Variants in RNGTT observed in about 807,000 individuals in gnomAD.
The protein encoded by RNGTT is mRNA-capping enzyme.
A neutral mutation model predicts 79.3 loss-of-function variants in RNGTT; 33 were observed. The observed-to-expected ratio is 0.42, with a 90% CI of 0.32 to 0.56. RNGTT has a LOEUF of 0.56. Among genes scored for constraint, RNGTT ranks in the 20% least tolerant of loss-of-function variants. The pLI, the probability that RNGTT is intolerant of heterozygous loss-of-function variation, is 0.17. For synonymous variants in RNGTT, 222 were observed against 235.9 expected (o/e 0.94, Z 0.54); for missense variants, 497 against 739.1 (o/e 0.67, Z 3.80).
At chr6:88,617,410 T>C (rs1772271546) in intron 14 of RNGTT, among the ~76,000 whole-genome samples, 1 of 152,264 alleles carries the variant, frequency 6.6e-6, no homozygotes, top group Non-Finnish European at 1.5e-5. Flanking sequence ...TGGATATTGC[T>C]TTCCCAACAC....
chr6:88,667,179 T>C lies in RNGTT; in HGVS notation c.1506+11174A>G, dbSNP rs1215105736. 2.6e-5 allele frequency among the ~76,000 whole-genome samples: 4 copies of C among 152,224 alleles called. No individual in the cohort carries two copies. The East Asian group carries it at 5.8e-4, about 22-fold the overall frequency. ...CCTCTGCTCTCTCAGGCACCGCATC[T>C]AGTGCCTACTTATTCTAAAGAGGAA... On this transcript the variant is annotated intron_variant, in intron 14 of 15. Transcript: ENST00000369485.
chr6:88,861,094 T>A (rs1247272276), intron 8 of RNGTT, among the ~76,000 whole-genome samples: 1 of 152,196 alleles, frequency 6.6e-6, no homozygotes, highest in East Asian at 1.9e-4. Context: ...TTTTCTCTCA[T>A]AAGAATTCAC....
At chr6:88,953,192 G>C (rs1785313085) in intron 1 of RNGTT, among the ~76,000 whole-genome samples, 1 of 152,034 alleles carries the variant, frequency 6.6e-6, no homozygotes, top group Admixed American at 6.6e-5. Flanking sequence ...ACCAGAACAA[G>C]GTGAAAATCA....
intron 13 of RNGTT, among the ~76,000 whole-genome samples, chr6:88,727,496 TA>T (rs1776957345): frequency 6.6e-6 from 1 of 152,318 alleles, no homozygotes; most frequent in Admixed American, 6.5e-5. Flanking sequence ...ACCTGCTCTT[TA>T]ACAAAAATTA....
chr6:88,909,163 G>A (rs1231182148), intron 4 of RNGTT, among the ~76,000 whole-genome samples: 4 of 152,210 alleles, frequency 2.6e-5, no homozygotes, highest in African/African-American at 9.6e-5. Context: ...TTCTTCCCCA[G>A]GAAGCTCCGT....
At chr6:88,718,215 C>T (rs1482714688) in intron 13 of RNGTT, among the ~76,000 whole-genome samples, 1 of 151,890 alleles carries the variant, frequency 6.6e-6, no homozygotes, top group African/African-American at 2.4e-5. Flanking sequence ...GGGGAAACCT[C>T]ATCTCTACTA....
At chr6:88,681,659 A>G (rs1039632196) in intron 13 of RNGTT, among the ~76,000 whole-genome samples, 3 of 152,212 alleles carry the variant, frequency 2.0e-5, no homozygotes, top group African/African-American at 7.2e-5. Context: ...TATACAATAT[A>G]GCAATCACAC....
At chr6:88,842,348 A>G (rs1430547628) in intron 11 of RNGTT, among the ~76,000 whole-genome samples, 2 of 152,178 alleles carry the variant, frequency 1.3e-5, no homozygotes, top group Non-Finnish European at 2.9e-5. Context: ...CCAAGGTACA[A>G]TTGCTTTTAA....
chr6:88,644,244 A>C (rs1386109259), intron 14 of RNGTT, among the ~76,000 whole-genome samples: 3 of 152,230 alleles, frequency 2.0e-5, no homozygotes, highest in Admixed American at 6.5e-5. Flanking sequence ...ATAAACTAGA[A>C]AATCTAGAAG....
At chr6:88,876,084 C>T (rs1202645346) in intron 8 of RNGTT, among the ~76,000 whole-genome samples, 1 of 152,112 alleles carries the variant, frequency 6.6e-6, no homozygotes, top group Non-Finnish European at 1.5e-5. Context: ...ATAAGAAGAT[C>T]AGTACAGTTA....
At chr6:88,620,038 G>A (rs1412778781) in intron 14 of RNGTT, among the ~76,000 whole-genome samples, 5 of 152,156 alleles carry the variant, frequency 3.3e-5, no homozygotes. Context: ...TACGTGTCAC[G>A]TTACCTTTTT....
At chr6:88,903,916 C>T (rs1783556920) in intron 6 of RNGTT, among the ~76,000 whole-genome samples, 1 of 152,118 alleles carries the variant, frequency 6.6e-6, no homozygotes, top group African/African-American at 2.4e-5. Context: ...AAGAAGATAA[C>T]TCCTCATATT....
rs1382785443 is a variant in RNGTT, at chr6:88,610,987, C to A, written c.*1732G>T. ...CCATTTTGTAAAAGATACTATGGAA[C>A]CTTGAGAATTTTCCCTCCTTCAATA... On this transcript the variant is annotated 3_prime_UTR_variant, in exon 16 of 16. Transcript: ENST00000369485. 6.6e-6 allele frequency: 1 copy of A among 152,002 alleles called. No homozygotes were observed. Among genetic ancestry groups the A allele is most frequent in the African/African-American group, 2.4e-5 (1 of 41,380 alleles). 9.4% of individuals were successfully genotyped at this position (152,002 alleles called of 1,614,324 possible).
At chr6:88,674,169 T>G (rs1346896232) in intron 14 of RNGTT, among the ~76,000 whole-genome samples, 1 of 152,196 alleles carries the variant, frequency 6.6e-6, no homozygotes, top group Non-Finnish European at 1.5e-5. Flanking sequence ...TTAGAGAACG[T>G]TTAGATTTAG....
Position 88,876,294 on chromosome 6 carries a change from C to T in RNGTT, c.896+14201G>A, listed in dbSNP as rs557224521. On this transcript the variant is annotated intron_variant, in intron 8 of 15. Transcript: ENST00000369485. ...CTGTAATCCCAACACTTTGGGAGGCCAAGGCAGGCAGATCACTTTAGCCCA... is the reference window on the plus strand; with the variant it reads ...CTGTAATCCCAACACTTTGGGAGGCTAAGGCAGGCAGATCACTTTAGCCCA... Among the ~76,000 whole-genome samples the T allele has an allele frequency of 2.6e-5, 4 of 152,246 alleles. No homozygotes were observed. The East Asian group carries it at 7.7e-4, about 29-fold the overall frequency.
chr6:88,635,313 T>C (rs546043585), intron 14 of RNGTT, among the ~76,000 whole-genome samples: 106 of 152,194 alleles, frequency 7.0e-4, no homozygotes, highest in Admixed American at 3.9e-3. Context: ...TTAGAAAACA[T>C]GTAGCTGTTA....
At chr6:88,801,106 T>A (rs1779767830) in intron 12 of RNGTT, among the ~76,000 whole-genome samples, 1 of 152,226 alleles carries the variant, frequency 6.6e-6, no homozygotes, top group Non-Finnish European at 1.5e-5. Flanking sequence ...GGAAAAAATA[T>A]TCAAAAGTTT....
chr6:88,910,089 T>C (rs1412857509), intron 4 of RNGTT, among the ~76,000 whole-genome samples: 1 of 152,194 alleles, frequency 6.6e-6, no homozygotes, highest in African/African-American at 2.4e-5. Context: ...GAGTGTTTTG[T>C]TATTTCCAAA....
rs77921039 is a variant in RNGTT at position 88,713,530 on chromosome 6, T to A, written c.1440-35111A>T. 9.1e-4 allele frequency among the ~76,000 whole-genome samples: 138 copies of A among 152,336 alleles called. 1 individual carries two copies. The East Asian group carries it at 0.017, about 19-fold the overall frequency. ...AACAGTATTCTTTCACATGGTAGCATCGATAGTTTATAAACCTATCCCAAA... is the reference window on the plus strand; with the variant it reads ...AACAGTATTCTTTCACATGGTAGCAACGATAGTTTATAAACCTATCCCAAA... On this transcript the variant is annotated intron_variant, in intron 13 of 15. Transcript: ENST00000369485.
Sources: allele counts gnomAD v4.1 joint callset (sites outside exome capture counted in the v4.1 genomes callset), GRCh38; gene constraint gnomAD v4.1.1; transcripts MANE v1.5; gene names NCBI Gene and HGNC (gene_info 2026-07-23, HGNC 2026-07-21).